Variants in CTNNA2 observed in about 807,000 individuals in gnomAD.
CTNNA2 encodes the protein catenin alpha-2.
CTNNA2 carries 42 observed loss-of-function variants against 101.0 expected under a neutral mutation model. The ratio of observed to expected loss-of-function variants is 0.42; its 90% CI spans 0.32 to 0.54. The LOEUF is 0.54. Ranked by LOEUF, CTNNA2 falls within the 20% of genes least tolerant of loss-of-function variation. CTNNA2 has a pLI of 0.14. For synonymous variants in CTNNA2, 450 were observed against 456.4 expected, an observed-to-expected ratio of 0.99 and a Z score of 0.18; for missense variants, 871 against 1,223.1, an observed-to-expected ratio of 0.71 and a Z score of 4.29.
chr2:79,258,813 G>A (rs1297217940), intron 2 of CTNNA2, among the ~76,000 whole-genome samples: 2 of 136,160 alleles, frequency 1.5e-5, no homozygotes, highest in Non-Finnish European at 3.0e-5. Context: ...AGGGTCTGGA[G>A]GACTCCATGA....
intron 9 of CTNNA2, among the ~76,000 whole-genome samples, chr2:80,453,708 G>A (rs1295228332): frequency 6.6e-6 from 1 of 152,174 alleles, no homozygotes; most frequent in Non-Finnish European, 1.5e-5. Flanking sequence ...AAGTTGCATA[G>A]GAGAATGTGA....
chr2:79,462,735 C>T lies in CTNNA2; in HGVS notation c.-134-42319C>T, dbSNP rs537859919. Among the ~76,000 whole-genome samples the T allele has an allele frequency of 3.3e-5, 5 of 152,308 alleles. No individual in the cohort carries two copies. In the South Asian group the frequency reaches 1.0e-3, roughly 32 times the overall value. On this transcript the variant is annotated intron_variant, in intron 4 of 21. Coordinates refer to the CTNNA2 transcript ENST00000466387. ...GAGATGTACCTTCTAGCAGCAAGTT[C>T]TATTTAGTAGAACTCAATAAACGTA...
intron 7 of CTNNA2, among the ~76,000 whole-genome samples, chr2:80,369,378 C>T (rs1329964535): frequency 6.6e-6 from 1 of 152,040 alleles, no homozygotes; most frequent in Non-Finnish European, 1.5e-5. Flanking sequence ...ATTCTTTGAC[C>T]TAGTAATCTA....
chr2:79,951,672 A>T (rs533083545), intron 7 of CTNNA2, among the ~76,000 whole-genome samples: 22 of 132,796 alleles, frequency 1.7e-4, no homozygotes, highest in African/African-American at 5.5e-4. Flanking sequence ...CTCAAAAATT[A>T]AAAAATAAGA....
chr2:79,942,246 T>G (rs1688209804), intron 7 of CTNNA2, among the ~76,000 whole-genome samples: 1 of 152,096 alleles, frequency 6.6e-6, no homozygotes, highest in African/African-American at 2.4e-5. Context: ...AGACTGACTC[T>G]AGATGGCTGG....
intron 7 of CTNNA2, among the ~76,000 whole-genome samples, chr2:79,995,939 T>C (rs1364281732): frequency 6.6e-6 from 1 of 152,206 alleles, no homozygotes; most frequent in African/African-American, 2.4e-5. Flanking sequence ...TTCAAGAAGC[T>C]ACCTATTTTT....
chr2:80,027,357 G>A (rs922330838), intron 7 of CTNNA2, among the ~76,000 whole-genome samples: 58 of 152,198 alleles, frequency 3.8e-4, no homozygotes, highest in African/African-American at 1.3e-3. Context: ...AGATGGGTGT[G>A]GAGAGGTGCA....
In CTNNA2 at chr2:80,292,677, C is replaced by T. The variant is rs147425552; in HGVS notation, c.1057-100534C>T. Among the ~76,000 whole-genome samples, 491 of 152,268 alleles carry T rather than the reference C, an allele frequency of 3.2e-3. 3 individuals are homozygous for T. Among genetic ancestry groups the T allele is most frequent in the African/African-American group, 0.011 (470 of 41,564 alleles). On this transcript the variant is annotated intron_variant, in intron 7 of 18. Coordinates refer to ENST00000402739, the MANE Select transcript of CTNNA2 (RefSeq NM_001282597.3). ...CTGATAGGCCTATGCCAGCATAGTC[C>T]TCTTGAGAATGCCTCACCTTCGCAG...
chr2:79,292,783 T>A (rs1675859130), intron 2 of CTNNA2, among the ~76,000 whole-genome samples: 1 of 152,226 alleles, frequency 6.6e-6, no homozygotes, highest in Non-Finnish European at 1.5e-5. Flanking sequence ...GTGCAAGAAT[T>A]TAGCAAAAAC....
At chr2:80,114,715 G>A (rs1211648627) in intron 7 of CTNNA2, among the ~76,000 whole-genome samples, 1 of 152,132 alleles carries the variant, frequency 6.6e-6, no homozygotes, top group East Asian at 1.9e-4. Context: ...CCACAGAATT[G>A]CATTTTCTAA....
chr2:79,971,864 T>G (rs1690508407), intron 7 of CTNNA2, among the ~76,000 whole-genome samples: 1 of 152,194 alleles, frequency 6.6e-6, no homozygotes, highest in Admixed American at 6.5e-5. Flanking sequence ...GCAACTCTAC[T>G]GGGCTGGAGG....
intron 3 of CTNNA2, among the ~76,000 whole-genome samples, chr2:79,754,958 T>C (rs1433428779): frequency 2.0e-5 from 3 of 152,104 alleles, no homozygotes; most frequent in Non-Finnish European, 4.4e-5. Flanking sequence ...AGATAACTCA[T>C]GTATCTTCCC....
At position 79,658,162 on chromosome 2, in the gene CTNNA2, T is replaced by C. The variant is rs115918633; in HGVS notation, c.102+6504T>C. Among the ~76,000 whole-genome samples, 991 of 152,096 alleles carry C rather than the reference T, an allele frequency of 6.5e-3. 10 individuals carry two copies. The highest frequency in any genetic ancestry group is 0.021 in the African/African-American group (883 of 41,568). On this transcript the variant is annotated intron_variant, in intron 2 of 18. Transcript: ENST00000402739. ...TTGATGTTTTAATTTCATTTGCAGT[T>C]TTGTAATTTATTATATCATTGGAGC...
At chr2:79,543,458 TA>T (rs1410235798) in intron 1 of CTNNA2, among the ~76,000 whole-genome samples, 1 of 152,192 alleles carries the variant, frequency 6.6e-6, no homozygotes. Flanking sequence ...AAGATGTTTT[TA>T]AAGATAGACA....
At chr2:79,859,222 C>T (rs754930086) in intron 4 of CTNNA2, among the ~76,000 whole-genome samples, 74 of 151,968 alleles carry the variant, frequency 4.9e-4, no homozygotes, top group Non-Finnish European at 7.4e-4. Context: ...TATCATGTTT[C>T]CTATCAGCCA....
intron 1 of CTNNA2, among the ~76,000 whole-genome samples, chr2:79,641,840 A>G (rs768785877): frequency 6.6e-6 from 1 of 152,212 alleles, no homozygotes; most frequent in Non-Finnish European, 1.5e-5. Flanking sequence ...CTATTAGCAT[A>G]CTCCAGGAGT....
chr2:79,314,460 A>G (rs1253780094), intron 3 of CTNNA2, among the ~76,000 whole-genome samples: 3 of 152,210 alleles, frequency 2.0e-5, no homozygotes, highest in African/African-American at 7.2e-5. Context: ...ACAATTTTAA[A>G]CAGCAATAAA....
At chr2:80,632,522 T>C (rs1672410849) in intron 18 of CTNNA2, among the ~76,000 whole-genome samples, 1 of 152,160 alleles carries the variant, frequency 6.6e-6, no homozygotes, top group South Asian at 2.1e-4. Context: ...TTCTATAGTT[T>C]GGAAACTGTA....
intron 7 of CTNNA2, among the ~76,000 whole-genome samples, chr2:80,382,058 G>A (rs939707666): frequency 1.3e-5 from 2 of 152,164 alleles, no homozygotes; most frequent in African/African-American, 2.4e-5. Context: ...AGTGTATAAA[G>A]TGTAAAAAGG....
Sources: allele counts gnomAD v4.1 joint callset (sites outside exome capture counted in the v4.1 genomes callset), GRCh38; gene constraint gnomAD v4.1.1; transcripts MANE v1.5; gene names NCBI Gene and HGNC (gene_info 2026-07-23, HGNC 2026-07-21).